Variants in ATRNL1 observed in about 807,000 individuals in gnomAD.
The protein encoded by ATRNL1 is attractin like 1, also known as attractin-like protein 1.
Under a neutral mutation model 182.7 loss-of-function variants are expected in ATRNL1, and 95 were observed. The observed-to-expected ratio is 0.52, with a 90% CI of 0.44 to 0.62. The LOEUF is 0.62. Ranked by LOEUF, ATRNL1 falls within the 20% of genes least tolerant of loss-of-function variation. The probability of loss-of-function intolerance (pLI) is 0.00; values close to 1 mark genes in which losing one functional copy is unlikely to be tolerated. For synonymous variants in ATRNL1, 576 were observed against 568.3 expected, an observed-to-expected ratio of 1.01 and a Z score of -0.19; for missense variants, 1,471 against 1,679.5, an observed-to-expected ratio of 0.88 and a Z score of 2.17.
At chr10:115,713,169 A>G (rs943815679) in intron 26 of ATRNL1, among the ~76,000 whole-genome samples, 1 of 152,140 alleles carries the variant, frequency 6.6e-6, no homozygotes, top group Non-Finnish European at 1.5e-5. Flanking sequence ...CTAAGACCAC[A>G]TGGTAGAGAG....
At chr10:115,596,780 C>T (rs1270834024) in intron 26 of ATRNL1, among the ~76,000 whole-genome samples, 1 of 152,054 alleles carries the variant, frequency 6.6e-6, no homozygotes, top group Non-Finnish European at 1.5e-5. Context: ...GAGAGTATTA[C>T]TTATTGTTAT....
At chr10:115,171,355 C>G (rs1007696256) in intron 8 of ATRNL1, 63 bp downstream of exon 8, 9 of 1,390,450 alleles carry the variant, frequency 6.5e-6, no homozygotes, top group Non-Finnish European at 8.8e-6. Flanking sequence ...TTAATAAAAT[C>G]TTCATATGAA....
At chr10:115,428,198 C>G (rs1845993146) in intron 21 of ATRNL1, among the ~76,000 whole-genome samples, 2 of 151,670 alleles carry the variant, frequency 1.3e-5, no homozygotes, top group Admixed American at 1.3e-4. Flanking sequence ...ATATTTCATT[C>G]CTGATTTCCT....
At chr10:115,625,963 C>T (rs1233535508) in intron 26 of ATRNL1, among the ~76,000 whole-genome samples, 2 of 152,076 alleles carry the variant, frequency 1.3e-5, no homozygotes, top group Non-Finnish European at 2.9e-5. Flanking sequence ...CTCACACTTT[C>T]CCCCTCATCT....
chr10:115,777,332 A>G (rs1198809744), intron 27 of ATRNL1, among the ~76,000 whole-genome samples: 11 of 152,186 alleles, frequency 7.2e-5, no homozygotes, highest in Non-Finnish European at 1.2e-4. Context: ...TAAAGTATTT[A>G]TATAGCTTCA....
At chr10:115,535,669 A>T (rs11197276) in intron 25 of ATRNL1, among the ~76,000 whole-genome samples, 63,125 of 151,890 alleles carry the variant, frequency 0.42, 13,645 homozygotes, top group Middle Eastern at 0.53. Context: ...GTTCGTTTGG[A>T]GGAGGGGAGG....
intron 24 of ATRNL1, among the ~76,000 whole-genome samples, chr10:115,500,584 C>T (rs1217360607): frequency 3.3e-5 from 5 of 152,002 alleles, no homozygotes; most frequent in African/African-American, 1.2e-4. Flanking sequence ...GCTCTTGTTG[C>T]CCAGGCTGGA....
At chr10:115,638,487 G>C (rs1417409224) in intron 26 of ATRNL1, among the ~76,000 whole-genome samples, 2 of 152,154 alleles carry the variant, frequency 1.3e-5, no homozygotes, top group Non-Finnish European at 2.9e-5. Context: ...TTATTGTACA[G>C]AATGTCCAAA....
intron 5 of ATRNL1, among the ~76,000 whole-genome samples, chr10:115,132,027 C>G (rs897515649): frequency 6.6e-6 from 1 of 152,002 alleles, no homozygotes; most frequent in Non-Finnish European, 1.5e-5. Flanking sequence ...GGGTGCTGCA[C>G]CCATTAACAC....
chr10:115,638,556 T>A (rs1314645380), intron 26 of ATRNL1, among the ~76,000 whole-genome samples: 2 of 152,148 alleles, frequency 1.3e-5, no homozygotes, highest in African/African-American at 2.4e-5. Context: ...GAGTAGGGAA[T>A]GAGTAGTGAC....
Position 115,519,325 on chromosome 10 carries a change from G to T in ATRNL1, c.3716+1G>T. 6.2e-7 allele frequency: 1 copy of T among 1,609,688 alleles called. No individual in the cohort carries two copies. The highest frequency in any genetic ancestry group is 8.5e-7 in the Non-Finnish European group (1 of 1,177,810). On this transcript the variant is annotated splice_donor_variant, in intron 25 of 28. Transcript: ENST00000355044. LOFTEE classifies it high-confidence loss of function. Reference sequence around the variant, plus strand: ...TGCAGTTTTTTGTCACCTTCTTCAGGTAAAAGTTTGCTTTGACTGACTTTG... The same window carrying T: ...TGCAGTTTTTTGTCACCTTCTTCAGTTAAAAGTTTGCTTTGACTGACTTTG...
intron 28 of ATRNL1, among the ~76,000 whole-genome samples, chr10:115,896,139 A>T (rs1952201894): frequency 1.3e-5 from 2 of 152,186 alleles, no homozygotes; most frequent in African/African-American, 2.4e-5. Flanking sequence ...TGATTTTTTT[A>T]AAAACCCATA....
chr10:115,518,779 C>G (rs542980713), intron 24 of ATRNL1, among the ~76,000 whole-genome samples: 2 of 151,952 alleles, frequency 1.3e-5, no homozygotes, highest in East Asian at 3.9e-4. Flanking sequence ...AACTTTTTGG[C>G]TAGTTTCACC....
At chr10:115,219,500 A>T (rs1245720672) in intron 9 of ATRNL1, among the ~76,000 whole-genome samples, 2 of 152,036 alleles carry the variant, frequency 1.3e-5, no homozygotes, top group African/African-American at 4.8e-5. Context: ...CATGGCAGAT[A>T]CTCCATTTGT....
chr10:115,606,922 G>C (rs985018427), intron 26 of ATRNL1, among the ~76,000 whole-genome samples: 2 of 151,924 alleles, frequency 1.3e-5, no homozygotes, highest in Non-Finnish European at 2.9e-5. Context: ...ATAATGTTTA[G>C]AGATACGCTC....
intron 22 of ATRNL1, among the ~76,000 whole-genome samples, chr10:115,466,545 G>T (rs186524893): frequency 8.6e-5 from 13 of 151,298 alleles, no homozygotes; most frequent in Admixed American, 4.6e-4. Context: ...GAAATTAAAT[G>T]TAAAGAGTCT....
At chr10:115,942,569 G>T (rs553570682) in intron 28 of ATRNL1, among the ~76,000 whole-genome samples, 22 of 152,240 alleles carry the variant, frequency 1.4e-4, no homozygotes, top group African/African-American at 5.3e-4. Flanking sequence ...ATAAATCTCT[G>T]AATTCAGTTC....
chr10:115,602,543 C>T (rs1186225156), intron 26 of ATRNL1, among the ~76,000 whole-genome samples: 1 of 152,050 alleles, frequency 6.6e-6, no homozygotes, highest in African/African-American at 2.4e-5. Flanking sequence ...TTAGAGGCTC[C>T]GTCCTACAGG....
chr10:115,771,439 C>T (rs1332265751), intron 27 of ATRNL1, among the ~76,000 whole-genome samples: 1 of 152,050 alleles, frequency 6.6e-6, no homozygotes, highest in Non-Finnish European at 1.5e-5. Context: ...ACCGTGTTAG[C>T]CAGGATGGTC....
Sources: gnomAD v4.1 joint callset for allele counts (sites outside exome capture counted in the v4.1 genomes callset) on GRCh38, gnomAD v4.1.1 for gene constraint, MANE v1.5 for transcripts, NCBI Gene and HGNC (gene_info 2026-07-23, HGNC 2026-07-21) for gene names.